The following MAP6 variants were observed in gnomAD, a reference collection of about 807,000 sequenced individuals.
MAP6 encodes microtubule associated protein 6.
MAP6 carries 26 observed loss-of-function variants against 42.4 expected under a neutral mutation model. The ratio of observed to expected loss-of-function variants is 0.61; its 90% CI spans 0.45 to 0.85. MAP6 has a LOEUF of 0.85. Ranked by LOEUF, MAP6 falls within the 40% of genes least tolerant of loss-of-function variation. The pLI, the probability that MAP6 is intolerant of heterozygous loss-of-function variation, is 0.00. For synonymous variants in MAP6, 418 were observed against 443.8 expected (o/e 0.94, Z 0.73); for missense variants, 966 against 1,099.0 (o/e 0.88, Z 1.71).
rs1942366117 is a variant in MAP6 at position 75,587,101 on chromosome 11, G to T, written c.2400C>A (p.Ile800=). The T allele has an allele frequency of 3.1e-6, 5 of 1,608,578 alleles. No individual in the cohort carries two copies. The highest frequency in any genetic ancestry group is 4.3e-6 in the Non-Finnish European group (5 of 1,175,868). Residue 800 remains isoleucine (I), a synonymous_variant, in exon 4 of 4, where the codon ATC becomes ATA. Transcript: ENST00000304771. Reference sequence around the variant, plus strand: ...TGTATTCCGTATGGGGGGCAGTTGGGATCATGACTCGGGGTAGAGGTGAGA... The same window carrying T: ...TGTATTCCGTATGGGGGGCAGTTGGTATCATGACTCGGGGTAGAGGTGAGA... ...PTVSPLPRVM[I]PTAPHTEYIE...
At chr11:75,638,793 C>T (rs1224649306) in intron 1 of MAP6, among the ~76,000 whole-genome samples, 1 of 152,176 alleles carries the variant, frequency 6.6e-6, no homozygotes, top group East Asian at 1.9e-4. Context: ...ATCCAGCAAT[C>T]CCACTACTGG....
intron 1 of MAP6, chr11:75,643,035 G>T (rs1250533186): frequency 1.2e-5 from 3 of 257,352 alleles, no homozygotes; most frequent in Non-Finnish European, 2.5e-5. Flanking sequence ...AGTCTATTTT[G>T]TGATACTATT....
At chr11:75,620,381 G>C (rs1943086281) in intron 1 of MAP6, among the ~76,000 whole-genome samples, 1 of 151,788 alleles carries the variant, frequency 6.6e-6, no homozygotes, top group African/African-American at 2.4e-5. Flanking sequence ...TAAAGTGGGA[G>C]GATGGCTTAA....
chr11:75,635,608 G>A (rs1028023602), intron 1 of MAP6, among the ~76,000 whole-genome samples: 69 of 152,192 alleles, frequency 4.5e-4, no homozygotes, highest in African/African-American at 1.6e-3. Context: ...GGATAAACAT[G>A]GCGTTTGAAA....
intron 1 of MAP6, among the ~76,000 whole-genome samples, chr11:75,659,697 A>G (rs1943810341): frequency 6.6e-6 from 1 of 152,244 alleles, no homozygotes; most frequent in Admixed American, 6.5e-5. Context: ...GAGAATGAGA[A>G]GCTCACCTAT....
intron 1 of MAP6, among the ~76,000 whole-genome samples, chr11:75,656,500 G>T (rs964543642): frequency 6.6e-6 from 1 of 152,200 alleles, no homozygotes; most frequent in Non-Finnish European, 1.5e-5. Context: ...AGAGGTTGGA[G>T]GTTGAGACCA....
chr11:75,667,576 T>C lies in MAP6; in HGVS notation c.794A>G (p.Gln265Arg). The C allele has an allele frequency of 7.0e-7, 1 of 1,419,476 alleles. No homozygotes were observed. Among genetic ancestry groups the C allele is most frequent in the African/African-American group, 1.5e-5 (1 of 66,460 alleles). 87.9% of individuals were successfully genotyped at this position (1,419,476 alleles called of 1,614,324 possible). ...GHEQTPLPAA[Q>R]AQVQATGPEA... ...GGGGCCGGTGGCCTGGACCTGGGCC[T>C]GGGCCGCGGGCAGCGGCGTCTGCTC... The change falls in exon 1 of 4, where the codon CAG becomes CGG. Residue 265 changes from glutamine to arginine, a missense_variant. Physicochemically the swap from Gln to Arg is conservative, Grantham distance 43. Transcript: ENST00000304771. The surrounding 1 kb of genome is among the most constrained non-coding windows in gnomAD (Gnocchi z 5.6).
Position 75,667,506 on chromosome 11 carries a change from T to C in MAP6, c.864A>G (p.Gln288=), listed in dbSNP as rs1007701246. ...CTGCACTCGCCACCTCCTCGCGGAT[T>C]TGCCGGTTGAGGGCGTCCGCCGCGG... ...GRAAADALNR[Q]IREEVASAVS... The change falls in exon 1 of 4, where the codon CAA becomes CAG. Residue 288 remains glutamine (Q), a synonymous_variant. Transcript: ENST00000304771. The surrounding 1 kb of genome is among the most constrained non-coding windows in gnomAD (Gnocchi z 5.6). 4.6e-6 allele frequency: 7 copies of C among 1,510,362 alleles called. No individual in the cohort carries two copies. Among genetic ancestry groups the C allele is most frequent in the Non-Finnish European group, 6.1e-6 (7 of 1,138,592 alleles). 93.6% of individuals were successfully genotyped at this position (1,510,362 alleles called of 1,614,324 possible). A position where few individuals can be genotyped will look rare whatever the true frequency, so the allele number is the denominator to read the frequency against.
chr11:75,605,346 C>G (rs1942741476), intron 3 of MAP6: 1 of 986,332 alleles, frequency 1.0e-6, no homozygotes, highest in Admixed American at 6.1e-5. Flanking sequence ...ATTGCTGAAG[C>G]CCAGGCTGAG....
rs763588234 is a variant in MAP6, at chr11:75,608,258, T to C, written c.970A>G (p.Lys324Glu). ...TGAACCATCTTATCATCTGGGGGCTTGTACTGGGGCTTGGCCTTTATTGGT... is the reference window on the plus strand; with the variant it reads ...TGAACCATCTTATCATCTGGGGGCTCGTACTGGGGCTTGGCCTTTATTGGT... ...VKPIKAKPQY[K>E]PPDDKMVHET... The change falls in exon 2 of 4, where the codon AAG becomes GAG. Residue 324 changes from lysine to glutamate, a missense_variant. Transcript: ENST00000304771. 6.2e-7 allele frequency: 1 copy of C among 1,614,226 alleles called. No homozygotes were observed. The highest frequency in any genetic ancestry group is 8.5e-7 in the Non-Finnish European group (1 of 1,180,026).
chr11:75,591,262 T>C (rs535617717), intron 3 of MAP6, among the ~76,000 whole-genome samples: 28 of 152,350 alleles, frequency 1.8e-4, no homozygotes, highest in African/African-American at 4.6e-4. Flanking sequence ...TTTAGGGTAA[T>C]TGAATTAAGC....
intron 1 of MAP6, among the ~76,000 whole-genome samples, chr11:75,656,334 T>G (rs1245835917): frequency 6.6e-6 from 1 of 152,182 alleles, no homozygotes; most frequent in Admixed American, 6.5e-5. Context: ...CCAGGCCTAA[T>G]CCTGCAAAAG....
chr11:75,602,961 T>C (rs1942691171), intron 3 of MAP6: 2 of 985,766 alleles, frequency 2.0e-6, no homozygotes, highest in African/African-American at 1.7e-5. Flanking sequence ...CAATTGGCTA[T>C]ACATGAATAT....
intron 1 of MAP6, among the ~76,000 whole-genome samples, chr11:75,656,309 C>G (rs1943748785): frequency 6.6e-6 from 1 of 152,152 alleles, no homozygotes; most frequent in African/African-American, 2.4e-5. Flanking sequence ...AATTTTCCCA[C>G]TAAAAGAGGT....
chr11:75,587,624 T>G lies in MAP6; in HGVS notation c.1877A>C (p.Lys626Thr). ...TGCTGAGACCATGGGACCTTCATCCTTGACAGGTGCTGGGACTATGGGACC... is the reference window on the plus strand; with the variant it reads ...TGCTGAGACCATGGGACCTTCATCCGTGACAGGTGCTGGGACTATGGGACC... ...GEGPIVPAPV[K>T]DEGPMVSAPI... Residue 626 changes from lysine to threonine, a missense_variant, in exon 4 of 4, where the codon AAG (lysine) becomes ACG (threonine). By Grantham distance (78) the Lys-to-Thr change is moderately conservative (BLOSUM62 -1). Transcript: ENST00000304771. The G allele has an allele frequency of 6.2e-7, 1 of 1,614,122 alleles. No individual in the cohort carries two copies. The highest frequency in any genetic ancestry group is 8.5e-7 in the Non-Finnish European group (1 of 1,179,990).
intron 1 of MAP6, among the ~76,000 whole-genome samples, chr11:75,614,244 C>A (rs1004380606): frequency 1.3e-5 from 2 of 152,228 alleles, no homozygotes; most frequent in Non-Finnish European, 2.9e-5. Context: ...CTCCCTGCGG[C>A]TGCTCCAGCC....
chr11:75,633,750 G>A (rs995920995), intron 1 of MAP6, among the ~76,000 whole-genome samples: 8 of 152,330 alleles, frequency 5.3e-5, no homozygotes, highest in Non-Finnish European at 8.8e-5. Flanking sequence ...CCCTAAGGCC[G>A]GAGGATGTGT....
In MAP6 at chr11:75,668,982, T is replaced by C; in HGVS notation, c.-613A>G. On this transcript the variant is annotated 5_prime_UTR_variant, in exon 1 of 4. Transcript: ENST00000304771. ...CCCCACCCTTTTCTGCAGCTCTCGGTCTCCGCCGCTGCCCGCGAATGATGC... is the reference window on the plus strand; with the variant it reads ...CCCCACCCTTTTCTGCAGCTCTCGGCCTCCGCCGCTGCCCGCGAATGATGC... 1 of 169,088 alleles carries C rather than the reference T, an allele frequency of 5.9e-6. No individual in the cohort carries two copies. The highest frequency in any genetic ancestry group is 1.0e-4 in the South Asian group (1 of 9,646). 10.5% of individuals were successfully genotyped at this position (169,088 alleles called of 1,614,324 possible).
intron 1 of MAP6, among the ~76,000 whole-genome samples, chr11:75,653,227 T>A (rs1014945602): frequency 6.6e-6 from 1 of 152,168 alleles, no homozygotes; most frequent in Non-Finnish European, 1.5e-5. Context: ...AAGAAAGGGA[T>A]AAAAGGACAA....
Sources: gnomAD v4.1 joint callset for allele counts (sites outside exome capture counted in the v4.1 genomes callset) on GRCh38, gnomAD v4.1.1 for gene constraint, Gnocchi (gnomAD v3.1) non-coding constraint, MANE v1.5 for transcripts, NCBI Gene and HGNC (gene_info 2026-07-23, HGNC 2026-07-21) for gene names.